Variants in GNG7 observed in about 807,000 individuals in gnomAD.
GNG7 encodes the protein guanine nucleotide-binding protein G(I)/G(S)/G(O) subunit gamma-7.
Under a neutral mutation model 4.0 loss-of-function variants are expected in GNG7, and 1 was observed. That is an observed-to-expected ratio of 0.25 (90% CI 0.09 to 1.18). GNG7 has a LOEUF of 1.18. Ranked by LOEUF, GNG7 falls within the 50% of genes most tolerant of loss-of-function variation. The pLI, the probability that GNG7 is intolerant of heterozygous loss-of-function variation, is 0.50. For synonymous variants in GNG7, 34 were observed against 36.9 expected (o/e 0.92, Z 0.29); for missense variants, 86 against 91.9 (o/e 0.94, Z 0.26).
chr19:2,605,724 G>GGCT (rs1348103878), intron 2 of GNG7, among the ~76,000 whole-genome samples: 1 of 150,264 alleles, frequency 6.7e-6, no homozygotes, highest in Non-Finnish European at 1.5e-5. Context: ...ATGTTGGCCA[G>GGCT]CATGGTCTCG....
chr19:2,673,226 C>G (rs1238252979), intron 1 of GNG7, among the ~76,000 whole-genome samples: 1 of 148,934 alleles, frequency 6.7e-6, no homozygotes, highest in East Asian at 2.1e-4. Flanking sequence ...CCACTGCACT[C>G]CAGCCTGGGT....
rs1169398162 is a variant in GNG7, at chr19:2,626,447, C to T, written c.-78+19777G>A. The stretch of plus-strand genomic sequence containing the variant: ...ACCCGCTATGGCTCCCTCCTGCCCT[C>T]GGGATAAAATGCAGCCTCTGCCGTG... On this transcript the variant is annotated intron_variant, in intron 2 of 4. Coordinates refer to ENST00000382159, the MANE Select transcript of GNG7 (RefSeq NM_052847.3). The surrounding 1 kb of genome is among the most constrained non-coding windows in gnomAD (Gnocchi z 5.0). Among the ~76,000 whole-genome samples, 2 of 152,192 alleles carry T rather than the reference C, an allele frequency of 1.3e-5. No individual in the cohort carries two copies. The highest frequency in any genetic ancestry group is 1.9e-4 in the East Asian group (1 of 5,200).
At chr19:2,643,076 T>C in intron 2 of GNG7, 1 of 445,792 alleles carries the variant, frequency 2.2e-6, no homozygotes, top group Non-Finnish European at 4.5e-6. Context: ...TCTGCACACC[T>C]TTCCGCCTTG....
intron 3 of GNG7, among the ~76,000 whole-genome samples, chr19:2,547,196 A>G (rs1338592501): frequency 6.6e-6 from 1 of 151,348 alleles, no homozygotes; most frequent in Non-Finnish European, 1.5e-5. Flanking sequence ...TTCTCCGCAC[A>G]CTGGCAGCTC....
chr19:2,661,583 G>A (rs116858379), intron 1 of GNG7, among the ~76,000 whole-genome samples: 1,639 of 146,750 alleles, frequency 0.011, 14 homozygotes, highest in Non-Finnish European at 0.016. Context: ...TGAGGCAGAA[G>A]AATTGCATGA....
chr19:2,584,615 A>C (rs1279482469), intron 2 of GNG7, among the ~76,000 whole-genome samples: 1 of 113,602 alleles, frequency 8.8e-6, no homozygotes, highest in Non-Finnish European at 1.7e-5. Flanking sequence ...GAGAGAGGGA[A>C]GGAAGGAGGA....
At chr19:2,623,862 C>T (rs60730056) in intron 2 of GNG7, among the ~76,000 whole-genome samples, 6,162 of 152,230 alleles carry the variant, frequency 0.04, 147 homozygotes, top group Middle Eastern at 0.088. Flanking sequence ...GCCTGGGCCA[C>T]AGAGCGAGAC....
chr19:2,533,344 T>A (rs1978651085), intron 3 of GNG7, among the ~76,000 whole-genome samples: 1 of 151,924 alleles, frequency 6.6e-6, no homozygotes, highest in Admixed American at 6.6e-5. Context: ...TCCATTTATA[T>A]AAAGTTCAAG....
intron 2 of GNG7, among the ~76,000 whole-genome samples, chr19:2,613,104 T>C (rs1981621694): frequency 6.6e-6 from 1 of 152,012 alleles, no homozygotes; most frequent in Admixed American, 6.6e-5. Context: ...GGGAAAGGGA[T>C]GGTGTTTAAG....
At chr19:2,520,444 C>G (rs1312022221) in intron 4 of GNG7, among the ~76,000 whole-genome samples, 164 bp downstream of exon 4, 1 of 152,158 alleles carries the variant, frequency 6.6e-6, no homozygotes, top group Non-Finnish European at 1.5e-5. Context: ...CTCTTTCTGC[C>G]GAGGAAATGG....
chr19:2,648,868 ATG>A (rs1376360267), intron 1 of GNG7, among the ~76,000 whole-genome samples: 1 of 148,530 alleles, frequency 6.7e-6, no homozygotes, highest in Non-Finnish European at 1.5e-5. Flanking sequence ...ACTCTGAATC[ATG>A]TGTTTTTTTT....
intron 3 of GNG7, among the ~76,000 whole-genome samples, chr19:2,553,806 AAT>A (rs578229458): frequency 1.6e-5 from 2 of 121,652 alleles, no homozygotes; most frequent in Non-Finnish European, 3.3e-5. Context: ...TATCATGTGT[AAT>A]ATATCACATA....
At chr19:2,581,246 C>T (rs201305694) in intron 2 of GNG7, among the ~76,000 whole-genome samples, 1 of 151,182 alleles carries the variant, frequency 6.6e-6, no homozygotes, top group East Asian at 2.0e-4. Context: ...TCTCCCCTCC[C>T]CCAACAGAGT....
intron 2 of GNG7, among the ~76,000 whole-genome samples, chr19:2,636,714 CT>C (rs1311385354): frequency 1.3e-5 from 2 of 152,134 alleles, no homozygotes; most frequent in African/African-American, 4.8e-5. Flanking sequence ...ACAGGGGCCC[CT>C]AGGGCAGGGG....
chr19:2,575,928 G>A (rs1398323443), intron 2 of GNG7, among the ~76,000 whole-genome samples: 1 of 149,492 alleles, frequency 6.7e-6, no homozygotes, highest in Middle Eastern at 3.3e-3. Flanking sequence ...CAGACACACA[G>A]GCACATACAG....
chr19:2,607,562 TA>T (rs57077280), intron 2 of GNG7, among the ~76,000 whole-genome samples: 3,526 of 110,536 alleles, frequency 0.032, 170 homozygotes, highest in African/African-American at 0.12. Flanking sequence ...ACTAAAATGG[TA>T]AAAAAAAAAA....
rs1358881405 is a variant in GNG7, at chr19:2,548,658, G to A, written c.-38+6491C>T. ...ACAAAAATTAGCCGGGCCTGGTGGC[G>A]CTCGTCTGAAATTCCAGCTACTCGG... On this transcript the variant is annotated intron_variant, in intron 3 of 4. Coordinates refer to ENST00000382159, the MANE Select transcript of GNG7 (RefSeq NM_052847.3). Among the ~76,000 whole-genome samples, 5 of 150,874 alleles carry A rather than the reference G, an allele frequency of 3.3e-5. No homozygotes were observed. In the East Asian group the frequency reaches 5.8e-4, roughly 17 times the overall value.
At position 2,680,881 on chromosome 19, in the gene GNG7, T is replaced by A. The variant is rs757234300; in HGVS notation, c.-135+21765A>T. 6.4e-4 allele frequency among the ~76,000 whole-genome samples: 98 copies of A among 152,190 alleles called. 2 individuals carry two copies. Among genetic ancestry groups the A allele is most frequent in the Non-Finnish European group, 1.9e-4 (13 of 68,008 alleles). ...GTGCGGTGGTGTGATCACAGCTCAC[T>A]GCAACCTTCGTCTCCCGAGCTCGCA... On this transcript the variant is annotated intron_variant, in intron 1 of 4. Transcript: ENST00000382159.
chr19:2,598,104 C>G (rs1224586133), intron 2 of GNG7, among the ~76,000 whole-genome samples: 1 of 152,108 alleles, frequency 6.6e-6, no homozygotes, highest in Non-Finnish European at 1.5e-5. Context: ...AGGCTCTCCA[C>G]TCGGCTCTGT....
Sources: gnomAD v4.1 joint callset for allele counts (sites outside exome capture counted in the v4.1 genomes callset) on GRCh38, gnomAD v4.1.1 for gene constraint, Gnocchi (gnomAD v3.1) non-coding constraint, MANE v1.5 for transcripts, NCBI Gene and HGNC (gene_info 2026-07-23, HGNC 2026-07-21) for gene names.